The following TSPAN5 variants were observed in gnomAD, a reference collection of about 807,000 sequenced individuals.
The protein encoded by TSPAN5 is tetraspanin-5.
In TSPAN5, 10 loss-of-function variants were observed where a neutral mutation model predicts 37.1. That is an observed-to-expected ratio of 0.27 (90% CI 0.17 to 0.46). TSPAN5 has a LOEUF of 0.46. Among genes scored for constraint, TSPAN5 ranks in the 20% least tolerant of loss-of-function variants. The pLI is 1.00. For missense variants in TSPAN5, 195 were observed against 326.6 expected, an observed-to-expected ratio of 0.60 and a Z score of 3.11; for synonymous variants, 110 against 118.9, an observed-to-expected ratio of 0.93 and a Z score of 0.48.
chr4:98,642,203 G>A (rs2110279025), intron 1 of TSPAN5, among the ~76,000 whole-genome samples: 1 of 152,272 alleles, frequency 6.6e-6, no homozygotes, highest in South Asian at 2.1e-4. Context: ...AAGAGGTTTA[G>A]CTTCCCTAAA....
At chr4:98,578,464 C>T (rs924638171) in intron 1 of TSPAN5, among the ~76,000 whole-genome samples, 1 of 152,022 alleles carries the variant, frequency 6.6e-6, no homozygotes, top group Non-Finnish European at 1.5e-5. Context: ...CTTGCTCTGT[C>T]GCCCAGGCTG....
chr4:98,557,762 A>G (rs1365970032), intron 1 of TSPAN5, among the ~76,000 whole-genome samples: 1 of 152,212 alleles, frequency 6.6e-6, no homozygotes, highest in Non-Finnish European at 1.5e-5. Context: ...ATCAGTGATA[A>G]GTCATGTTGA....
intron 1 of TSPAN5, among the ~76,000 whole-genome samples, chr4:98,511,456 G>A (rs1753603723): frequency 6.6e-6 from 1 of 152,152 alleles, no homozygotes; most frequent in Admixed American, 6.5e-5. Context: ...GTAGGCAACT[G>A]TAATACAATG....
At chr4:98,608,729 C>T (rs1039963907) in intron 1 of TSPAN5, among the ~76,000 whole-genome samples, 1 of 152,190 alleles carries the variant, frequency 6.6e-6, no homozygotes, top group African/African-American at 2.4e-5. Flanking sequence ...AAACGCAGTG[C>T]TGTGTTTTTA....
In TSPAN5 at chr4:98,658,298, G is replaced by A. The variant is rs1401880948; in HGVS notation, c.-72C>T. The A allele has an allele frequency of 2.3e-6, 3 of 1,286,198 alleles. No homozygotes were observed. The African/African-American group carries it at 4.4e-5, about 19-fold the overall frequency. 79.7% of individuals were successfully genotyped at this position (1,286,198 alleles called of 1,614,324 possible). A position where few individuals can be genotyped will look rare whatever the true frequency, so the allele number is the denominator to read the frequency against. On this transcript the variant is annotated 5_prime_UTR_variant, in exon 1 of 8. Transcript: ENST00000305798. ...CTCCGAAGCACCGTTGCTCGGAGCA[G>A]CCCGGCGGGGAGCAGGAGCTCAGGG...
intron 7 of TSPAN5, among the ~76,000 whole-genome samples, chr4:98,473,845 C>G (rs544221091): frequency 6.6e-6 from 1 of 152,094 alleles, no homozygotes; most frequent in Non-Finnish European, 1.5e-5. Context: ...AGTACAGTGG[C>G]GTGATCATAG....
intron 1 of TSPAN5, among the ~76,000 whole-genome samples, chr4:98,580,216 G>T (rs1264988880): frequency 6.6e-6 from 1 of 152,144 alleles, no homozygotes; most frequent in African/African-American, 2.4e-5. Flanking sequence ...CACACACAAA[G>T]TCTCTGAGAA....
chr4:98,620,044 T>G (rs1287415518), intron 1 of TSPAN5, among the ~76,000 whole-genome samples: 3 of 152,080 alleles, frequency 2.0e-5, no homozygotes, highest in African/African-American at 4.8e-5. Context: ...ATTTGGGCAG[T>G]TTTTAAACAT....
chr4:98,633,931 T>G (rs139704010), intron 1 of TSPAN5, among the ~76,000 whole-genome samples: 1,521 of 151,880 alleles, frequency 0.01, 23 homozygotes, highest in African/African-American at 0.034. Context: ...AATACAAAAT[T>G]AGCCAGGCGT....
chr4:98,528,123 C>T (rs1324322055), intron 1 of TSPAN5, among the ~76,000 whole-genome samples: 2 of 152,136 alleles, frequency 1.3e-5, no homozygotes, highest in East Asian at 1.9e-4. Flanking sequence ...GAGAAATGTA[C>T]ACTAAATACC....
intron 2 of TSPAN5, among the ~76,000 whole-genome samples, chr4:98,505,013 C>T (rs1296815333): frequency 6.6e-6 from 1 of 152,106 alleles, no homozygotes; most frequent in Non-Finnish European, 1.5e-5. Flanking sequence ...TCTCTCTTGT[C>T]TCTTCTGTTA....
chr4:98,523,329 T>C (rs1231718191), intron 1 of TSPAN5, among the ~76,000 whole-genome samples: 2 of 152,252 alleles, frequency 1.3e-5, no homozygotes, highest in Non-Finnish European at 2.9e-5. Flanking sequence ...AAAAGTGGCA[T>C]GACATTAAAG....
intron 1 of TSPAN5, among the ~76,000 whole-genome samples, chr4:98,585,033 T>A (rs1755453832): frequency 6.6e-6 from 1 of 152,054 alleles, no homozygotes; most frequent in East Asian, 1.9e-4. Flanking sequence ...CAGCTTTACC[T>A]CTGACAGAAC....
At chr4:98,617,917 A>C (rs1377274446) in intron 1 of TSPAN5, among the ~76,000 whole-genome samples, 2 of 152,218 alleles carry the variant, frequency 1.3e-5, no homozygotes, top group African/African-American at 4.8e-5. Context: ...GACAGGCCCC[A>C]GATATCCAAG....
chr4:98,525,590 T>C (rs1035053371), intron 1 of TSPAN5, among the ~76,000 whole-genome samples: 3 of 152,146 alleles, frequency 2.0e-5, no homozygotes, highest in African/African-American at 7.2e-5. Flanking sequence ...CTTTCTCTTG[T>C]TTTCGAGACA....
chr4:98,559,108 T>C (rs1754820129), intron 1 of TSPAN5, among the ~76,000 whole-genome samples: 1 of 149,566 alleles, frequency 6.7e-6, no homozygotes, highest in South Asian at 2.2e-4. Context: ...TAAAACACCG[T>C]GGGAAACAAG....
intron 1 of TSPAN5, among the ~76,000 whole-genome samples, chr4:98,600,685 T>G (rs193042135): frequency 3.3e-5 from 5 of 152,182 alleles, no homozygotes; most frequent in African/African-American, 9.7e-5. Context: ...CCACATCCAC[T>G]AAAGTCTTGG....
intron 2 of TSPAN5, among the ~76,000 whole-genome samples, chr4:98,505,588 T>G (rs1392635927): frequency 1.3e-5 from 2 of 152,210 alleles, no homozygotes; most frequent in Non-Finnish European, 2.9e-5. Flanking sequence ...CCCACCACTC[T>G]CTAACTTGAT....
At chr4:98,644,504 C>CT (rs546358465) in intron 1 of TSPAN5, among the ~76,000 whole-genome samples, 31 of 148,916 alleles carry the variant, frequency 2.1e-4, no homozygotes, top group Middle Eastern at 3.5e-3. Context: ...AAAAAGCACC[C>CT]TTTTTTTTTT....
Sources: gnomAD v4.1 joint callset for allele counts (sites outside exome capture counted in the v4.1 genomes callset) on GRCh38, gnomAD v4.1.1 for gene constraint, MANE v1.5 for transcripts, NCBI Gene and HGNC (gene_info 2026-07-23, HGNC 2026-07-21) for gene names.